Variants in SHANK2 observed in about 807,000 individuals in gnomAD.
The protein encoded by SHANK2 is SH3 and multiple ankyrin repeat domains protein 2.
In SHANK2, 43 loss-of-function variants were observed where a neutral mutation model predicts 133.7. The observed-to-expected ratio is 0.32, with a 90% confidence interval of 0.25 to 0.41. The LOEUF is 0.41. SHANK2 is among the 10% of genes least tolerant of loss of function. The probability of loss-of-function intolerance (pLI) is 1.00; values close to 1 mark genes in which losing one functional copy is unlikely to be tolerated. For synonymous variants in SHANK2, 1,017 were observed against 952.8 expected (o/e 1.07, Z -1.24); for missense variants, 1,994 against 2,235.8 (o/e 0.89, Z 2.18).
At chr11:70,656,687 C>T (rs2061409779) in intron 17 of SHANK2, among the ~76,000 whole-genome samples, 2 of 152,192 alleles carry the variant, frequency 1.3e-5, no homozygotes. Context: ...GGGACATTCA[C>T]TTATCTTTCA....
chr11:71,086,265 TTA>T (rs1951412743), intron 8 of SHANK2, among the ~76,000 whole-genome samples: 2 of 25,638 alleles, frequency 7.8e-5, no homozygotes, highest in African/African-American at 1.8e-4. Context: ...ATGTTATATA[TTA>T]TATATGTTAT....
chr11:70,930,833 G>T (rs1555082373), intron 10 of SHANK2, among the ~76,000 whole-genome samples: 1 of 122,588 alleles, frequency 8.2e-6, no homozygotes, highest in African/African-American at 5.0e-5. Context: ...ACCACACCCA[G>T]CGGTTTTTTT....
At chr11:70,565,440 ATTTCACCATG>A (rs1337460787) in intron 17 of SHANK2, among the ~76,000 whole-genome samples, 1 of 151,962 alleles carries the variant, frequency 6.6e-6, no homozygotes, top group Non-Finnish European at 1.5e-5. Context: ...TAGAGATGGG[ATTTCACCATG>A]TTAGCCAGGT....
chr11:71,210,254 T>TATATATATA (rs1565516818), intron 2 of SHANK2, among the ~76,000 whole-genome samples: 16 of 59,950 alleles, frequency 2.7e-4, no homozygotes, highest in African/African-American at 4.2e-4. Context: ...ATATATATAT[T>TATATATATA]TATTTATTTT....
chr11:70,752,178 G>C (rs1946761335), intron 14 of SHANK2, among the ~76,000 whole-genome samples: 1 of 151,940 alleles, frequency 6.6e-6, no homozygotes. Context: ...TGAACTCCTG[G>C]CCTCAAGCAA....
At position 70,656,564 on chromosome 11, in the gene SHANK2, A is replaced by G. The variant is rs184345884; in HGVS notation, c.2061+3264T>C. ...CCCCTGGGCTGGCTGACATTTCACA[A>G]TCTGGGACGGCTTAGTGTCACTGTC... On this transcript the variant is annotated intron_variant, in intron 17 of 25. Transcript: ENST00000601538. Among the ~76,000 whole-genome samples the G allele has an allele frequency of 4.4e-3, 672 of 151,856 alleles. 5 individuals are homozygous for G. The highest frequency in any genetic ancestry group is 0.013 in the Admixed American group (202 of 15,256).
intron 17 of SHANK2, among the ~76,000 whole-genome samples, chr11:70,541,222 C>T (rs1440458281): frequency 6.6e-6 from 1 of 152,216 alleles, no homozygotes; most frequent in Non-Finnish European, 1.5e-5. Flanking sequence ...ACCACATTTG[C>T]CTTCCTCCTG....
Position 70,468,215 on chromosome 11 carries a change from G to C in SHANK2, c.*4654C>G, listed in dbSNP as rs1036659337. ...GGCTCGTATTAAAATTTCAAAATTG[G>C]CATGAACAAAGAGTTCCAGAGTGGA... On this transcript the variant is annotated 3_prime_UTR_variant, in exon 26 of 26. Coordinates refer to ENST00000601538, the MANE Select transcript of SHANK2 (RefSeq NM_012309.5). 2 of 151,348 alleles carry C rather than the reference G, an allele frequency of 1.3e-5. No individual in the cohort carries two copies. The highest frequency in any genetic ancestry group is 4.9e-5 in the African/African-American group (2 of 41,054). The allele number at this position is 151,348 out of a possible 1,614,324, so 9.4% of individuals were successfully genotyped here. A position where few individuals can be genotyped will look rare whatever the true frequency, so the allele number is the denominator to read the frequency against.
chr11:70,907,350 T>A (rs1391921826), intron 10 of SHANK2, among the ~76,000 whole-genome samples: 1 of 152,142 alleles, frequency 6.6e-6, no homozygotes, highest in African/African-American at 2.4e-5. Context: ...GGGGACCCCC[T>A]GGGTTGTGGC....
chr11:70,503,078 C>A lies in SHANK2; in HGVS notation c.2062-147G>T. The A allele has an allele frequency of 7.9e-6, 7 of 889,062 alleles. No individual in the cohort carries two copies. The Middle Eastern group carries it at 1.6e-3, about 208-fold the overall frequency. The allele number at this position is 889,062 out of a possible 1,614,324, so 55.1% of individuals were successfully genotyped here. On this transcript the variant is annotated intron_variant, in intron 17 of 25. Coordinates refer to ENST00000601538, the MANE Select transcript of SHANK2 (RefSeq NM_012309.5). Reference sequence around the variant, plus strand: ...AGTGAGACCGTCATCTTTTTGGAAGCAAAGGTGCTTTTGGGGAAACCAGAA... The same window carrying A: ...AGTGAGACCGTCATCTTTTTGGAAGAAAAGGTGCTTTTGGGGAAACCAGAA...
At chr11:71,182,317 T>G (rs1953575329) in intron 2 of SHANK2, among the ~76,000 whole-genome samples, 1 of 152,182 alleles carries the variant, frequency 6.6e-6, no homozygotes, top group African/African-American at 2.4e-5. Flanking sequence ...TGCTTGTAGA[T>G]GGAACAGCCT....
Position 70,470,290 on chromosome 11 carries a change from G to A in SHANK2, c.*2579C>T, listed in dbSNP as rs2135645945. 1 of 152,394 alleles carries A rather than the reference G, an allele frequency of 6.6e-6. No homozygotes were observed. The highest frequency in any genetic ancestry group is 1.9e-4 in the East Asian group (1 of 5,192). 9.4% of individuals were successfully genotyped at this position (152,394 alleles called of 1,614,324 possible). A position where few individuals can be genotyped will look rare whatever the true frequency, so the allele number is the denominator to read the frequency against. On this transcript the variant is annotated 3_prime_UTR_variant, in exon 26 of 26. Coordinates refer to ENST00000601538, the MANE Select transcript of SHANK2 (RefSeq NM_012309.5). ...AGTGTAAAAATAAACTATGTTATCA[G>A]CTCTTTAGTCTTGCAGCCAGCTTGC... is the stretch of plus-strand genomic sequence containing the variant.
intron 17 of SHANK2, chr11:70,654,221 G>A (rs922368129): frequency 6.6e-6 from 1 of 152,190 alleles, no homozygotes. Flanking sequence ...CGTCATCAGA[G>A]CCCTGCAGCA....
At chr11:70,802,025 G>A (rs923469454) in intron 13 of SHANK2, among the ~76,000 whole-genome samples, 2 of 152,130 alleles carry the variant, frequency 1.3e-5, no homozygotes, top group Admixed American at 1.3e-4. Flanking sequence ...GCGAGACTTG[G>A]GGCAACCCTG....
chr11:70,904,985 C>T (rs551861980), intron 10 of SHANK2, among the ~76,000 whole-genome samples: 2 of 152,258 alleles, frequency 1.3e-5, no homozygotes, highest in African/African-American at 4.8e-5. Flanking sequence ...ATGTCTTTAT[C>T]GGCAGCGTGA....
intron 15 of SHANK2, among the ~76,000 whole-genome samples, chr11:70,693,552 A>G (rs781950397): frequency 6.6e-6 from 1 of 152,160 alleles, no homozygotes; most frequent in Non-Finnish European, 1.5e-5. Flanking sequence ...GACAGCACTC[A>G]TCTGCTTCAT....
At chr11:71,139,573 T>C (rs1952514054) in intron 3 of SHANK2, among the ~76,000 whole-genome samples, 1 of 152,164 alleles carries the variant, frequency 6.6e-6, no homozygotes, top group African/African-American at 2.4e-5. Flanking sequence ...TTTTCTTCCC[T>C]CTTCCTCATT....
intron 17 of SHANK2, among the ~76,000 whole-genome samples, chr11:70,618,717 C>T (rs1193120962): frequency 6.6e-6 from 1 of 152,242 alleles, no homozygotes; most frequent in Non-Finnish European, 1.5e-5. Flanking sequence ...ATGCGGAAAC[C>T]CTGGCCGCCG....
intron 14 of SHANK2, among the ~76,000 whole-genome samples, chr11:70,710,276 G>A (rs1163439411): frequency 2.0e-5 from 3 of 152,186 alleles, no homozygotes; most frequent in Non-Finnish European, 4.4e-5. Flanking sequence ...GCTGCCGCAC[G>A]ACAAGTGACC....
Sources: gnomAD v4.1 joint callset for allele counts (sites outside exome capture counted in the v4.1 genomes callset) on GRCh38, gnomAD v4.1.1 for gene constraint, MANE v1.5 for transcripts, NCBI Gene and HGNC (gene_info 2026-07-23, HGNC 2026-07-21) for gene names.